The following SNTB1 variants were observed in gnomAD, a reference collection of about 807,000 sequenced individuals.
SNTB1 encodes beta-1-syntrophin.
A neutral mutation model predicts 48.9 loss-of-function variants in SNTB1; 36 were observed. The observed-to-expected ratio is 0.74, with a 90% CI of 0.56 to 0.97. SNTB1 has a LOEUF of 0.97. Ranked by LOEUF, SNTB1 falls within the 50% of genes least tolerant of loss-of-function variation. SNTB1 has a pLI of 0.00. For synonymous variants in SNTB1, 299 were observed against 294.6 expected, an observed-to-expected ratio of 1.01 and a Z score of -0.15; for missense variants, 786 against 703.4, an observed-to-expected ratio of 1.12 and a Z score of -1.33.
At chr8:120,810,932 A>C (rs1176879332) in intron 1 of SNTB1, among the ~76,000 whole-genome samples, 3 of 152,002 alleles carry the variant, frequency 2.0e-5, no homozygotes, top group Non-Finnish European at 4.4e-5. Context: ...CAGTCCCTAC[A>C]CTCTACCAGG....
chr8:120,773,926 A>C (rs563727299), intron 1 of SNTB1, among the ~76,000 whole-genome samples: 2 of 152,338 alleles, frequency 1.3e-5, no homozygotes, highest in Admixed American at 1.3e-4. Context: ...TTTCTATGTA[A>C]AATTTGCTAT....
Position 120,789,910 on chromosome 8 carries a change from A to C in SNTB1, c.571+21363T>G, listed in dbSNP as rs528812594. Among the ~76,000 whole-genome samples, 40 of 152,146 alleles carry C rather than the reference A, an allele frequency of 2.6e-4. 1 individual carries two copies. Among genetic ancestry groups the C allele is most frequent in the African/African-American group, 9.6e-4 (40 of 41,562 alleles). ...ACAAAGCCAGTATCACCCTGATACC[A>C]AAACCAGGAAAGAATATAACAAAAA... On this transcript the variant is annotated intron_variant, in intron 1 of 6. Transcript: ENST00000517992.
In SNTB1 at chr8:120,760,297, C is replaced by CAA. The variant is rs77673399; in HGVS notation, c.571+50974_571+50975dup. Among the ~76,000 whole-genome samples the CAA allele has an allele frequency of 9.2e-3, 639 of 69,214 alleles. 15 individuals carry two copies. The highest frequency in any genetic ancestry group is 0.023 in the African/African-American group (536 of 23,514). 45.4% of individuals were successfully genotyped at this position (69,214 alleles called of 152,430 possible). On this transcript the variant is annotated intron_variant, in intron 1 of 6. Coordinates refer to ENST00000517992, the MANE Select transcript of SNTB1 (RefSeq NM_021021.4). ...CCTGTCCTCACAATAAGAAACAAGC[C>CAA]AAAAAAAAAAAAAAAACCCTGAAAA...
At chr8:120,702,474 A>G (rs947825977) in intron 1 of SNTB1, among the ~76,000 whole-genome samples, 1 of 151,872 alleles carries the variant, frequency 6.6e-6, no homozygotes, top group African/African-American at 2.4e-5. Flanking sequence ...CCACGTGGAA[A>G]CCTTTCTGGA....
At position 120,641,649 on chromosome 8, in the gene SNTB1, T is replaced by G. The variant is rs572081974; in HGVS notation, c.789-8998A>C. Among the ~76,000 whole-genome samples the G allele has an allele frequency of 4.6e-5, 7 of 152,336 alleles. No homozygotes were observed. The South Asian group carries it at 1.4e-3, about 32-fold the overall frequency. On this transcript the variant is annotated intron_variant, in intron 2 of 6. Transcript: ENST00000517992. ...TTAATTTTTAAGTAAACTTTAAAAG[T>G]GTAACATACAGACGGAAAAGTTCAC...
At chr8:120,678,267 C>A (rs967188166) in intron 2 of SNTB1, among the ~76,000 whole-genome samples, 6 of 152,104 alleles carry the variant, frequency 3.9e-5, no homozygotes, top group African/African-American at 1.4e-4. Context: ...CTCTCTGCTG[C>A]CTTTTTATGG....
intron 3 of SNTB1, among the ~76,000 whole-genome samples, chr8:120,585,894 A>G (rs181183270): frequency 6.6e-5 from 10 of 152,390 alleles, no homozygotes; most frequent in African/African-American, 2.2e-4. Flanking sequence ...CAGCATTGGA[A>G]TAACTACCAA....
At chr8:120,583,676 G>C (rs544145587) in intron 3 of SNTB1, among the ~76,000 whole-genome samples, 16 of 152,124 alleles carry the variant, frequency 1.1e-4, no homozygotes, top group African/African-American at 3.9e-4. Context: ...AAATAGTTAA[G>C]AAATAATACC....
At chr8:120,724,039 T>G (rs1244148205) in intron 1 of SNTB1, among the ~76,000 whole-genome samples, 1 of 152,202 alleles carries the variant, frequency 6.6e-6, no homozygotes, top group Admixed American at 6.5e-5. Flanking sequence ...CTCAGCTCCA[T>G]GAAAGAAAAA....
At chr8:120,634,872 G>A (rs912679717) in intron 2 of SNTB1, among the ~76,000 whole-genome samples, 2 of 138,570 alleles carry the variant, frequency 1.4e-5, no homozygotes, top group Non-Finnish European at 1.5e-5. Flanking sequence ...TTTTTTTTGA[G>A]ACGGAGTCTC....
In SNTB1 at chr8:120,811,383, AGGGCTT is replaced by A; in HGVS notation, c.455_460del (p.Gln152_Ala153del). On this transcript the variant is annotated inframe_deletion, in exon 1 of 7. Coordinates refer to ENST00000517992, the MANE Select transcript of SNTB1 (RefSeq NM_021021.4). ...GGACAGGATGGCGTCGCCCACGTAC[AGGGCTT>A]GGGTCTGGTCCGCCGCCAGCCCCTT... 6.2e-7 allele frequency: 1 copy of A among 1,613,934 alleles called. No homozygotes were observed. The highest frequency in any genetic ancestry group is 8.5e-7 in the Non-Finnish European group (1 of 1,179,924).
chr8:120,735,498 T>A (rs1818927805), intron 1 of SNTB1, among the ~76,000 whole-genome samples: 1 of 152,114 alleles, frequency 6.6e-6, no homozygotes, highest in Admixed American at 6.6e-5. Flanking sequence ...TAAAACGAGG[T>A]CATTAGGGTG....
At chr8:120,657,763 C>T (rs765833804) in intron 2 of SNTB1, among the ~76,000 whole-genome samples, 1 of 152,094 alleles carries the variant, frequency 6.6e-6, no homozygotes, top group Non-Finnish European at 1.5e-5. Flanking sequence ...ATTGACTTAT[C>T]AATTATTTTT....
chr8:120,564,863 G>A (rs971821852), intron 4 of SNTB1, among the ~76,000 whole-genome samples: 10 of 152,050 alleles, frequency 6.6e-5, no homozygotes. Context: ...GAGCCACTGC[G>A]CCCAGCCTAT....
At chr8:120,589,285 G>A (rs1046032827) in intron 3 of SNTB1, among the ~76,000 whole-genome samples, 1 of 152,146 alleles carries the variant, frequency 6.6e-6, no homozygotes, top group African/African-American at 2.4e-5. Flanking sequence ...CCTGAATAAA[G>A]GTCCATCTGC....
intron 1 of SNTB1, among the ~76,000 whole-genome samples, chr8:120,782,938 C>T (rs1178013445): frequency 2.6e-5 from 4 of 152,152 alleles, no homozygotes; most frequent in Non-Finnish European, 4.4e-5. Context: ...TCTTCATGCA[C>T]TGGTCTTTAT....
chr8:120,616,807 A>G (rs1338364493), intron 3 of SNTB1, among the ~76,000 whole-genome samples: 1 of 152,214 alleles, frequency 6.6e-6, no homozygotes, highest in African/African-American at 2.4e-5. Context: ...TTTATTCTCA[A>G]TGATCACATC....
intron 1 of SNTB1, among the ~76,000 whole-genome samples, chr8:120,715,731 T>A (rs1818544489): frequency 6.6e-6 from 1 of 152,210 alleles, no homozygotes; most frequent in Non-Finnish European, 1.5e-5. Flanking sequence ...GAAGAGGTGG[T>A]ATTCTTCTCC....
intron 2 of SNTB1, among the ~76,000 whole-genome samples, chr8:120,649,476 C>T (rs1817366965): frequency 7.0e-6 from 1 of 141,902 alleles, no homozygotes; most frequent in Non-Finnish European, 1.5e-5. Context: ...AGTTAGGCTG[C>T]TCGGGGGTCA....
Sources: allele counts gnomAD v4.1 joint callset (sites outside exome capture counted in the v4.1 genomes callset), GRCh38; gene constraint gnomAD v4.1.1; transcripts MANE v1.5; gene names NCBI Gene and HGNC (gene_info 2026-07-23, HGNC 2026-07-21).